MAPKAP1: variants seen among roughly 807,000 people sequenced by gnomAD.
The protein encoded by MAPKAP1 is target of rapamycin complex 2 subunit MAPKAP1.
MAPKAP1 carries 20 observed loss-of-function variants against 65.7 expected under a neutral mutation model. That is an observed-to-expected ratio of 0.30 (90% CI 0.21 to 0.44). The LOEUF (loss-of-function observed/expected upper bound fraction) is 0.44. Among genes scored for constraint, MAPKAP1 ranks in the 20% least tolerant of loss-of-function variants. The pLI, the probability that MAPKAP1 is intolerant of heterozygous loss-of-function variation, is 1.00. For synonymous variants in MAPKAP1, 222 were observed against 244.3 expected (o/e 0.91, Z 0.85); for missense variants, 423 against 648.0 (o/e 0.65, Z 3.77).
intron 4 of MAPKAP1, chr9:125,652,040 C>T (rs1833908513): frequency 4.7e-6 from 5 of 1,055,262 alleles, no homozygotes; most frequent in Non-Finnish European, 6.1e-6. Flanking sequence ...ACAAGAATAG[C>T]ATATTTTCCA....
At chr9:125,528,001 A>T (rs1045343153) in intron 7 of MAPKAP1, among the ~76,000 whole-genome samples, 4 of 152,186 alleles carry the variant, frequency 2.6e-5, no homozygotes, top group Admixed American at 2.6e-4. Flanking sequence ...CGTGGCTACG[A>T]GCTGTGGACT....
chr9:125,500,084 G>C (rs559946516), intron 8 of MAPKAP1, among the ~76,000 whole-genome samples: 1 of 152,198 alleles, frequency 6.6e-6, no homozygotes, highest in African/African-American at 2.4e-5. Context: ...AACAATATGA[G>C]TATTAATGTG....
intron 6 of MAPKAP1, among the ~76,000 whole-genome samples, chr9:125,557,092 A>T (rs916714929): frequency 6.6e-6 from 1 of 152,208 alleles, no homozygotes; most frequent in Non-Finnish European, 1.5e-5. Flanking sequence ...GTAATTCAGG[A>T]TCAAAAAACA....
intron 7 of MAPKAP1, chr9:125,521,529 G>A (rs1829617488): frequency 7.5e-7 from 1 of 1,331,624 alleles, no homozygotes; most frequent in Admixed American, 3.9e-5. Context: ...GGAAACCAGT[G>A]GGGTAATGCA....
chr9:125,495,187 G>C (rs1490637242), intron 8 of MAPKAP1, among the ~76,000 whole-genome samples: 1 of 152,196 alleles, frequency 6.6e-6, no homozygotes, highest in Non-Finnish European at 1.5e-5. Context: ...AAATATCTAA[G>C]AACTGTAACA....
chr9:125,700,304 A>T (rs1055768199), intron 1 of MAPKAP1, among the ~76,000 whole-genome samples: 2 of 152,254 alleles, frequency 1.3e-5, no homozygotes, highest in South Asian at 4.1e-4. Flanking sequence ...CAGTACCTTA[A>T]AATGAGTCCA....
chr9:125,458,534 C>T (rs556659133), intron 10 of MAPKAP1, among the ~76,000 whole-genome samples: 7 of 151,970 alleles, frequency 4.6e-5, no homozygotes, highest in South Asian at 4.2e-4. Context: ...GGGTTGGGGG[C>T]AAGGTCACAG....
intron 4 of MAPKAP1, among the ~76,000 whole-genome samples, chr9:125,645,804 C>A: frequency 6.7e-6 from 1 of 150,216 alleles, no homozygotes; most frequent in East Asian, 2.0e-4. Context: ...GCATTATAAT[C>A]AACTCATGTG....
At chr9:125,558,371 C>T (rs1830798650) in intron 6 of MAPKAP1, among the ~76,000 whole-genome samples, 1 of 152,086 alleles carries the variant, frequency 6.6e-6, no homozygotes, top group South Asian at 2.1e-4. Context: ...CTGTTATTTA[C>T]ACCAAACTTG....
chr9:125,622,838 A>C (rs1403191268), intron 4 of MAPKAP1, among the ~76,000 whole-genome samples: 1 of 150,986 alleles, frequency 6.6e-6, no homozygotes, highest in East Asian at 2.0e-4. Context: ...CCGTCTCCCC[A>C]GTCTCCCTCT....
chr9:125,440,915 C>G (rs1426469393), intron 11 of MAPKAP1, among the ~76,000 whole-genome samples: 1 of 152,202 alleles, frequency 6.6e-6, no homozygotes, highest in Admixed American at 6.5e-5. Flanking sequence ...GCACATATAA[C>G]TTGACAAAAG....
At chr9:125,559,980 T>C (rs1049833338) in intron 5 of MAPKAP1, among the ~76,000 whole-genome samples, 171 bp from the exon 6 acceptor site, 1 of 152,122 alleles carries the variant, frequency 6.6e-6, no homozygotes, top group Non-Finnish European at 1.5e-5. Context: ...AGAATACACA[T>C]GGCAATGCAA....
At chr9:125,519,310 G>C (rs1829551787) in intron 7 of MAPKAP1, among the ~76,000 whole-genome samples, 1 of 152,162 alleles carries the variant, frequency 6.6e-6, no homozygotes, top group Non-Finnish European at 1.5e-5. Flanking sequence ...AAGGTGAAGA[G>C]GACTGACTGG....
At chr9:125,629,549 G>A (rs1028726820) in intron 4 of MAPKAP1, among the ~76,000 whole-genome samples, 2 of 152,168 alleles carry the variant, frequency 1.3e-5, no homozygotes, top group Non-Finnish European at 2.9e-5. Context: ...TATATCTTAT[G>A]AGGGATCTAA....
chr9:125,509,836 A>G (rs1829249109), intron 7 of MAPKAP1, among the ~76,000 whole-genome samples: 1 of 152,150 alleles, frequency 6.6e-6, no homozygotes, highest in South Asian at 2.1e-4. Context: ...TGGATCAGGG[A>G]AAACAGGGGA....
intron 6 of MAPKAP1, among the ~76,000 whole-genome samples, chr9:125,551,430 A>G (rs2133193085): frequency 6.6e-6 from 1 of 152,308 alleles, no homozygotes; most frequent in East Asian, 1.9e-4. Context: ...AAGCCAAGGT[A>G]GTCTCTGGGA....
At chr9:125,693,664 C>CGT (rs1159154024) in intron 1 of MAPKAP1, among the ~76,000 whole-genome samples, 1 of 124,662 alleles carries the variant, frequency 8.0e-6, no homozygotes, top group African/African-American at 4.5e-5. Flanking sequence ...TACATACACA[C>CGT]ACATATACAC....
chr9:125,646,168 C>T (rs1486218401), intron 4 of MAPKAP1, among the ~76,000 whole-genome samples: 4 of 152,046 alleles, frequency 2.6e-5, no homozygotes, highest in Non-Finnish European at 5.9e-5. Flanking sequence ...ACCTCAAAGC[C>T]TTTGGGTGGT....
chr9:125,679,693 A>C (rs1161059070), intron 1 of MAPKAP1, among the ~76,000 whole-genome samples: 1 of 152,170 alleles, frequency 6.6e-6, no homozygotes, highest in Non-Finnish European at 1.5e-5. Context: ...ACTCACTACA[A>C]GCAAACAAGC....
Sources: gnomAD v4.1 joint callset for allele counts (sites outside exome capture counted in the v4.1 genomes callset) on GRCh38, gnomAD v4.1.1 for gene constraint, MANE v1.5 for transcripts, NCBI Gene and HGNC (gene_info 2026-07-23, HGNC 2026-07-21) for gene names.